The following GSN variants were observed in gnomAD, a reference collection of about 807,000 sequenced individuals.
GSN encodes gelsolin.
A neutral mutation model predicts 85.7 loss-of-function variants in GSN; 56 were observed. That is an observed-to-expected ratio of 0.65 (90% CI 0.53 to 0.82). The LOEUF is 0.82. GSN is among the 40% of genes least tolerant of loss of function. The probability of loss-of-function intolerance (pLI) is 0.00; values close to 1 mark genes in which losing one functional copy is unlikely to be tolerated. For synonymous variants in GSN, 373 were observed against 399.1 expected, an observed-to-expected ratio of 0.93 and a Z score of 0.78; for missense variants, 857 against 979.8, an observed-to-expected ratio of 0.87 and a Z score of 1.67.
chr9:121,245,043 A>G (rs2054672677), intron 5 of GSN, among the ~76,000 whole-genome samples: 1 of 152,182 alleles, frequency 6.6e-6, no homozygotes, highest in Admixed American at 6.5e-5. Context: ...GAAAAAATCA[A>G]ATTCCTAGAA....
At chr9:121,266,254 C>T (rs73660425), upstream of GSN, among the ~76,000 whole-genome samples, 8,988 of 152,248 alleles carry the variant, frequency 0.059, 522 homozygotes, top group Admixed American at 0.15. Context: ...TTTCCTCCAT[C>T]GTGATGTGGT....
intron 7 of GSN, 105 bp downstream of exon 7, chr9:121,314,128 C>A: frequency 1.1e-6 from 1 of 901,650 alleles, no homozygotes; most frequent in Non-Finnish European, 1.8e-6. Flanking sequence ...CAAAGCACCC[C>A]TTTGGAGGGG....
At chr9:121,224,255 C>G (rs957906979) in intron 4 of GSN, among the ~76,000 whole-genome samples, 11 of 152,138 alleles carry the variant, frequency 7.2e-5, no homozygotes, top group Admixed American at 3.9e-4. Flanking sequence ...CGTCACCACG[C>G]CCGGCTAATT....
chr9:121,286,194 C>A, intron 2 of GSN: 1 of 1,514,386 alleles, frequency 6.6e-7, no homozygotes, highest in Non-Finnish European at 8.9e-7. Flanking sequence ...GGGTGAGTAG[C>A]ACGGGATCTG....
intron 1 of GSN, among the ~76,000 whole-genome samples, chr9:121,271,179 G>C (rs2055885875): frequency 1.3e-5 from 2 of 152,198 alleles, no homozygotes; most frequent in South Asian, 4.1e-4. Flanking sequence ...GACCAGCCTG[G>C]TCAACATGGT....
chr9:121,254,300 T>C (rs2054902182), intron 6 of GSN, among the ~76,000 whole-genome samples: 1 of 152,206 alleles, frequency 6.6e-6, no homozygotes, highest in South Asian at 2.1e-4. Flanking sequence ...ACATGCGTAA[T>C]AGCAAGACTT....
chr9:121,274,853 T>C (rs540223096), intron 1 of GSN, among the ~76,000 whole-genome samples: 1 of 152,240 alleles, frequency 6.6e-6, no homozygotes, highest in Non-Finnish European at 1.5e-5. Flanking sequence ...GGGTTCTGGC[T>C]AAACAGACTT....
chr9:121,255,148 C>T (rs1057365473), intron 6 of GSN, among the ~76,000 whole-genome samples: 3 of 152,108 alleles, frequency 2.0e-5, no homozygotes, highest in Non-Finnish European at 4.4e-5. Flanking sequence ...CAGGGTTTCA[C>T]CGTATTAGCC....
intron 4 of GSN, among the ~76,000 whole-genome samples, chr9:121,305,354 C>T (rs1321251175): frequency 6.6e-6 from 1 of 152,204 alleles, no homozygotes; most frequent in Non-Finnish European, 1.5e-5. Flanking sequence ...TCATTGAACA[C>T]TTATCTATTA....
In GSN at chr9:121,300,089, A is replaced by T. The variant is rs202184446; in HGVS notation, c.-9-1874A>T. On this transcript the variant is annotated intron_variant, in intron 2 of 17. Transcript: ENST00000432226. ...GATACAGCGCTAGGAAAAGGGGAGT[A>T]ATTCAGGTCTAGAATGGAAAAACTG... 323 of 1,611,278 alleles carry T rather than the reference A, an allele frequency of 2.0e-4. 1 individual carries two copies. Among genetic ancestry groups the T allele is most frequent in the Non-Finnish European group, 1.1e-5 (13 of 1,177,764 alleles).
chr9:121,214,079 C>T (rs1355184347), intron 4 of GSN, among the ~76,000 whole-genome samples: 1 of 152,204 alleles, frequency 6.6e-6, no homozygotes, highest in Non-Finnish European at 1.5e-5. Context: ...ACCTACCTCA[C>T]AGGGTTTCGT....
chr9:121,287,972 G>A (rs138742467), intron 2 of GSN, among the ~76,000 whole-genome samples: 24 of 152,124 alleles, frequency 1.6e-4, no homozygotes, highest in South Asian at 8.3e-4. Flanking sequence ...TGTCACCCAG[G>A]CTGGAGTGCA....
At chr9:121,220,420 T>TTTCTGTCACTGTGTACCCCTTCCCATACA in intron 4 of GSN, among the ~76,000 whole-genome samples, 1 of 152,244 alleles carries the variant, frequency 6.6e-6, no homozygotes, top group East Asian at 1.9e-4. Context: ...CTTCCCATAC[T>TTTCTGTCACTGTGTACCCCTTCCCATACA]TTCTGTCACT....
intron 5 of GSN, among the ~76,000 whole-genome samples, chr9:121,241,612 T>A (rs1437917988): frequency 6.6e-6 from 1 of 152,230 alleles, no homozygotes; most frequent in East Asian, 1.9e-4. Context: ...TATTTGGAAG[T>A]GTCTTATAAA....
Position 121,318,806 on chromosome 9 carries a change from G to A in GSN, c.1117G>A (p.Ala373Thr), listed in dbSNP as rs1307675236. Residue 373 changes from alanine (A) to threonine (T), a missense_variant, in exon 10 of 18, where the codon GCC becomes ACC. Coordinates refer to ENST00000432226, the MANE Select transcript of GSN (RefSeq NM_198252.3). The surrounding 1 kb of genome is among the most constrained non-coding windows in gnomAD (Gnocchi z 4.3). ...CAACGTGGAGCGGGTGCCCTTCGAC[G>A]CCGCCACCCTGCACACCTCCACTGC... ...IANVERVPFD[A>T]ATLHTSTAMA... is the part of the protein sequence containing the mutation. 1.9e-6 allele frequency: 3 copies of A among 1,613,978 alleles called. No homozygotes were observed. Among genetic ancestry groups the A allele is most frequent in the Non-Finnish European group, 1.7e-6 (2 of 1,180,010 alleles).
chr9:121,230,732 T>G (rs149200804), intron 4 of GSN, among the ~76,000 whole-genome samples: 1 of 152,212 alleles, frequency 6.6e-6, no homozygotes, highest in East Asian at 1.9e-4. Context: ...GTCTGGCACA[T>G]GCTGATGCTC....
chr9:121,270,482 T>C (rs918760963), intron 1 of GSN, among the ~76,000 whole-genome samples: 1 of 152,200 alleles, frequency 6.6e-6, no homozygotes, highest in African/African-American at 2.4e-5. Context: ...GAGCAGCAGA[T>C]TCTGGAAGCC....
At chr9:121,287,858 C>T (rs1430524228) in intron 2 of GSN, among the ~76,000 whole-genome samples, 1 of 152,022 alleles carries the variant, frequency 6.6e-6, no homozygotes, top group African/African-American at 2.4e-5. Context: ...TTTCATCATC[C>T]CCAAAAGGAT....
At chr9:121,211,511 T>C (rs1319216272) in intron 4 of GSN, among the ~76,000 whole-genome samples, 2 of 152,192 alleles carry the variant, frequency 1.3e-5, no homozygotes, top group Non-Finnish European at 2.9e-5. Flanking sequence ...TATAAATACT[T>C]CCAGGTGTAA....
Sources: allele counts gnomAD v4.1 joint callset (sites outside exome capture counted in the v4.1 genomes callset), GRCh38; gene constraint gnomAD v4.1.1; non-coding constraint Gnocchi (gnomAD v3.1); transcripts MANE v1.5; gene names NCBI Gene and HGNC (gene_info 2026-07-23, HGNC 2026-07-21).